The following PPP4R3A variants were observed in gnomAD, a reference collection of about 807,000 sequenced individuals.
PPP4R3A encodes protein phosphatase 4 regulatory subunit 3A, also known as serine/threonine-protein phosphatase 4 regulatory subunit 3A.
A neutral mutation model predicts 91.7 loss-of-function variants in PPP4R3A; 15 were observed. The ratio of observed to expected loss-of-function variants is 0.16; its 90% CI spans 0.11 to 0.25. The LOEUF (loss-of-function observed/expected upper bound fraction) is 0.25, where lower values mean the gene tolerates loss of function less well. Among genes scored for constraint, PPP4R3A ranks in the 10% least tolerant of loss-of-function variants. PPP4R3A has a pLI of 1.00. For missense variants in PPP4R3A, 623 were observed against 998.4 expected (o/e 0.62, Z 5.07); for synonymous variants, 377 against 348.7 (o/e 1.08, Z -0.91).
chr14:91,507,495 TAGAATATATGCTATA>T (rs1162051569), intron 1 of PPP4R3A, among the ~76,000 whole-genome samples: 127 of 135,114 alleles, frequency 9.4e-4, no homozygotes, highest in African/African-American at 3.5e-3. Flanking sequence ...ATATACTATA[TAGAATATATGCTATA>T]ATTATATATA....
chr14:91,483,437 T>C (rs924242311), intron 3 of PPP4R3A, among the ~76,000 whole-genome samples: 1 of 152,244 alleles, frequency 6.6e-6, no homozygotes, highest in Non-Finnish European at 1.5e-5. Context: ...GGCTTGTACC[T>C]GCATGGTCTC....
At chr14:91,492,073 T>C (rs776666339) in intron 1 of PPP4R3A, among the ~76,000 whole-genome samples, 6 of 152,168 alleles carry the variant, frequency 3.9e-5, no homozygotes, top group Non-Finnish European at 7.3e-5. Flanking sequence ...AAGGACTGGG[T>C]AACAATAGAA....
At chr14:91,461,269 G>A in intron 14 of PPP4R3A, 112 bp downstream of exon 14, 1 of 942,884 alleles carries the variant, frequency 1.1e-6, no homozygotes, top group Non-Finnish European at 1.6e-6. Context: ...TCTAGTTCAG[G>A]GATGTTAAAT....
At chr14:91,462,493 T>C (rs1412340752) in intron 12 of PPP4R3A, among the ~76,000 whole-genome samples, 1 of 117,158 alleles carries the variant, frequency 8.5e-6, no homozygotes, top group African/African-American at 3.4e-5. Flanking sequence ...TCACTTCCAC[T>C]GTTTGGTCTT....
At chr14:91,491,476 C>T (rs766210822) in intron 1 of PPP4R3A, among the ~76,000 whole-genome samples, 13 of 152,098 alleles carry the variant, frequency 8.5e-5, no homozygotes, top group Non-Finnish European at 1.6e-4. Flanking sequence ...GGCGCGATCT[C>T]GGCTCACTGC....
At chr14:91,494,624 A>G (rs532085005) in intron 1 of PPP4R3A, among the ~76,000 whole-genome samples, 1 of 152,212 alleles carries the variant, frequency 6.6e-6, no homozygotes, top group South Asian at 2.1e-4. Flanking sequence ...GCACTTTGGG[A>G]GGCTGAGGCA....
chr14:91,462,564 C>G (rs17224453), intron 12 of PPP4R3A, among the ~76,000 whole-genome samples, 171 bp downstream of exon 12: 25,898 of 150,904 alleles, frequency 0.17, 2,799 homozygotes, highest in Non-Finnish European at 0.25. Flanking sequence ...TAATAACCAG[C>G]CTAATCTTCA....
intron 14 of PPP4R3A, among the ~76,000 whole-genome samples, chr14:91,459,262 C>T (rs1031560100): frequency 3.9e-5 from 6 of 152,056 alleles, no homozygotes; most frequent in African/African-American, 1.4e-4. Context: ...CCCGCCACCA[C>T]GCCTGGGTAA....
chr14:91,469,006 A>G (rs1888668325), intron 10 of PPP4R3A, among the ~76,000 whole-genome samples: 1 of 151,904 alleles, frequency 6.6e-6, no homozygotes. Context: ...TCATTTTCCT[A>G]GTACACCAGA....
At chr14:91,498,125 A>G (rs1890698210) in intron 1 of PPP4R3A, among the ~76,000 whole-genome samples, 1 of 152,320 alleles carries the variant, frequency 6.6e-6, no homozygotes, top group Non-Finnish European at 1.5e-5. Flanking sequence ...ACTTGATGTC[A>G]GGAATTCGAG....
In PPP4R3A at chr14:91,461,419, G is replaced by A. The variant is rs756809008; in HGVS notation, c.2353C>T (p.Pro785Ser). 1.7e-5 allele frequency: 27 copies of A among 1,613,580 alleles called. 1 individual carries two copies. In the South Asian group the frequency reaches 3.0e-4, roughly 18 times the overall value. ...GCTGCCGTCTGAGATGTATTTTTAG[G>A]TACGGATCCAGGAGAGCCTGGAGAT... ...PGSPGSPGSV[P>S]KNTSQTAAIT... The change falls in exon 14 of 15, where the codon CCT (proline) becomes TCT (serine). Residue 785 changes from proline to serine, a missense_variant. Physicochemically the swap from Pro to Ser is moderately conservative, Grantham distance 74. Around this residue, in one of 5 missense-constraint regions of PPP4R3A, gnomAD observed 201 missense variants for 229.9 expected, o/e 0.87. Transcript: ENST00000554943.
At chr14:91,505,459 A>AAC (rs1555353060) in intron 1 of PPP4R3A, among the ~76,000 whole-genome samples, 2 of 151,954 alleles carry the variant, frequency 1.3e-5, no homozygotes, top group African/African-American at 2.4e-5. Context: ...AAAAAAAAAA[A>AAC]ACACACACCA....
chr14:91,460,781 T>C (rs1236873070), intron 14 of PPP4R3A, among the ~76,000 whole-genome samples: 2 of 151,460 alleles, frequency 1.3e-5, no homozygotes, highest in East Asian at 2.0e-4. Flanking sequence ...CCACCACGCC[T>C]GGCTAATTTT....
intron 13 of PPP4R3A, 142 bp from the exon 14 acceptor site, chr14:91,461,749 A>G (rs1439942810): frequency 3.2e-6 from 3 of 931,234 alleles, no homozygotes; most frequent in Non-Finnish European, 4.7e-6. Flanking sequence ...GAAGCTTACC[A>G]AAATACTAAC....
chr14:91,473,147 AG>A lies in PPP4R3A; in HGVS notation c.1399-13del, dbSNP rs1567150109. ...GTCTTTTCTGTTTTCTAAGGAAACAAGAACAATTCCATGAACTTTAACCACA... is the reference window on the plus strand; with the variant it reads ...GTCTTTTCTGTTTTCTAAGGAAACAAAACAATTCCATGAACTTTAACCACA... On this transcript the variant is annotated splice_polypyrimidine_tract_variant and intron_variant, in intron 8 of 14. Coordinates refer to ENST00000554943, the MANE Select transcript of PPP4R3A (RefSeq NM_001366432.2). 1 of 1,613,966 alleles carries A rather than the reference AG, an allele frequency of 6.2e-7. No individual in the cohort carries two copies. Among genetic ancestry groups the A allele is most frequent in the Non-Finnish European group, 8.5e-7 (1 of 1,179,920 alleles).
At chr14:91,463,951 C>A (rs933671320) in intron 11 of PPP4R3A, among the ~76,000 whole-genome samples, 2 of 152,050 alleles carry the variant, frequency 1.3e-5, no homozygotes, top group East Asian at 3.9e-4. Flanking sequence ...GTTGTTGTTC[C>A]CTTCTTTATT....
chr14:91,460,309 G>A (rs1567143044), intron 14 of PPP4R3A, among the ~76,000 whole-genome samples: 1 of 152,050 alleles, frequency 6.6e-6, no homozygotes, highest in Non-Finnish European at 1.5e-5. Flanking sequence ...CACCGCGCCT[G>A]GCTGCTGCTT....
In PPP4R3A at chr14:91,457,673, C is replaced by T. The variant is rs1887847830; in HGVS notation, c.*1086G>A. On this transcript the variant is annotated 3_prime_UTR_variant, in exon 15 of 15. Coordinates refer to ENST00000554943, the MANE Select transcript of PPP4R3A (RefSeq NM_001366432.2). ...AGTCAAATGTTTTTAAATCATCCATCCTCAATTTTGATTTAATGTACCGTC... is the reference window on the plus strand; with the variant it reads ...AGTCAAATGTTTTTAAATCATCCATTCTCAATTTTGATTTAATGTACCGTC... The T allele has an allele frequency of 6.6e-6, 1 of 152,500 alleles. No homozygotes were observed. Among genetic ancestry groups the T allele is most frequent in the South Asian group, 2.1e-4 (1 of 4,812 alleles). The allele number at this position is 152,500 out of a possible 1,614,324, so 9.4% of individuals were successfully genotyped here.
chr14:91,475,981 C>A lies in PPP4R3A; in HGVS notation c.1111-15G>T, dbSNP rs201441718. 15 of 1,517,950 alleles carry A rather than the reference C, an allele frequency of 9.9e-6. No homozygotes were observed. In the East Asian group the frequency reaches 3.3e-4, roughly 33 times the overall value. 94.0% of individuals were successfully genotyped at this position (1,517,950 alleles called of 1,614,324 possible). A position where few individuals can be genotyped will look rare whatever the true frequency, so the allele number is the denominator to read the frequency against. On this transcript the variant is annotated splice_polypyrimidine_tract_variant and intron_variant, in intron 6 of 14. Transcript: ENST00000554943. Reference sequence around the variant, plus strand: ...TCATCCATGCCCTGCAGACAAAAAACATTTATTTTTCCTGTATTTATAAAA... The same window carrying A: ...TCATCCATGCCCTGCAGACAAAAAAAATTTATTTTTCCTGTATTTATAAAA...
Sources: allele counts gnomAD v4.1 joint callset (sites outside exome capture counted in the v4.1 genomes callset), GRCh38; gene constraint gnomAD v4.1.1; regional missense constraint gnomAD v4.1.1; transcripts MANE v1.5; gene names NCBI Gene and HGNC (gene_info 2026-07-23, HGNC 2026-07-21).